The following UBA3 variants were observed in gnomAD, a reference collection of about 807,000 sequenced individuals.
UBA3 encodes the protein NEDD8-activating enzyme E1 catalytic subunit.
UBA3 carries 26 observed loss-of-function variants against 73.5 expected under a neutral mutation model. That is an observed-to-expected ratio of 0.35 (90% confidence interval 0.26 to 0.49). UBA3 has a LOEUF of 0.49. Ranked by LOEUF, UBA3 falls within the 20% of genes least tolerant of loss-of-function variation. UBA3 has a pLI of 0.98. For missense variants in UBA3, 495 were observed against 555.6 expected (o/e 0.89, Z 1.10); for synonymous variants, 217 against 191.2 (o/e 1.13, Z -1.11).
At chr3:69,065,688 C>T (rs1029302308) in intron 6 of UBA3, among the ~76,000 whole-genome samples, 7 of 152,052 alleles carry the variant, frequency 4.6e-5, no homozygotes, top group Admixed American at 3.9e-4. Context: ...GTGATCTTCC[C>T]GCCTCAGCCT....
chr3:69,065,376 C>A (rs1575837202), intron 6 of UBA3, among the ~76,000 whole-genome samples: 1 of 152,176 alleles, frequency 6.6e-6, no homozygotes. Flanking sequence ...CCAGTTACAT[C>A]TTACTATAGT....
intron 6 of UBA3, among the ~76,000 whole-genome samples, chr3:69,065,222 C>T (rs1020237328): frequency 6.6e-6 from 1 of 151,734 alleles, no homozygotes; most frequent in South Asian, 2.1e-4. Flanking sequence ...AAACTGAGTG[C>T]CCCCCACTAA....
chr3:69,076,670 A>C (rs778213919), intron 3 of UBA3, among the ~76,000 whole-genome samples: 2 of 152,002 alleles, frequency 1.3e-5, no homozygotes, highest in Admixed American at 6.6e-5. Context: ...AGGTGCAGTC[A>C]AGCAATCCTC....
intron 5 of UBA3, among the ~76,000 whole-genome samples, chr3:69,069,618 T>A (rs1296939408): frequency 2.0e-5 from 3 of 152,202 alleles, no homozygotes; most frequent in Non-Finnish European, 4.4e-5. Context: ...TGAGCCACCA[T>A]GCCAGGCCAA....
intron 14 of UBA3, 61 bp downstream of exon 14, chr3:69,056,551 A>G: frequency 7.1e-7 from 1 of 1,414,870 alleles, no homozygotes; most frequent in Non-Finnish European, 9.8e-7. Flanking sequence ...CAAATTTCTA[A>G]CCAATAATAT....
At chr3:69,057,020 A>G (rs2091979615) in intron 12 of UBA3, among the ~76,000 whole-genome samples, 1 of 152,176 alleles carries the variant, frequency 6.6e-6, no homozygotes, top group Non-Finnish European at 1.5e-5. Context: ...TTTCTTGTTT[A>G]TCAGATTAAT....
chr3:69,067,955 T>G lies in UBA3; in HGVS notation c.401A>C (p.Asp134Ala), dbSNP rs748847579. ...KAEVAAEFLN[D>A]RVPNCNVVPH... ...AACTACATTGCAATTAGGAACTCTGTCATTTAGAAATTCTGCAGCAACTTC... is the reference window on the plus strand; with the variant it reads ...AACTACATTGCAATTAGGAACTCTGGCATTTAGAAATTCTGCAGCAACTTC... The change falls in exon 6 of 18, where the codon GAC becomes GCC. Residue 134 changes from aspartate to alanine, a missense_variant. Coordinates refer to ENST00000361055, the MANE Select transcript of UBA3 (RefSeq NM_003968.4). 2 of 1,607,394 alleles carry G rather than the reference T, an allele frequency of 1.2e-6. No homozygotes were observed. Among genetic ancestry groups the G allele is most frequent in the Non-Finnish European group, 1.7e-6 (2 of 1,176,578 alleles).
chr3:69,073,833 C>T (rs541681509), intron 4 of UBA3, among the ~76,000 whole-genome samples: 7 of 152,026 alleles, frequency 4.6e-5, no homozygotes, highest in African/African-American at 9.6e-5. Flanking sequence ...TTAGTAGAGA[C>T]GGGGTTTCAC....
At chr3:69,059,306 T>C (rs2092002473) in intron 11 of UBA3, among the ~76,000 whole-genome samples, 1 of 152,168 alleles carries the variant, frequency 6.6e-6, no homozygotes, top group South Asian at 2.1e-4. Flanking sequence ...AGCCATGCAA[T>C]TACCTGAAGA....
At chr3:69,064,004 G>T in intron 7 of UBA3, 64 bp downstream of exon 7, 2 of 1,378,448 alleles carry the variant, frequency 1.5e-6, no homozygotes, top group South Asian at 1.3e-5. Flanking sequence ...AGCAATATTT[G>T]AATAGCTACC....
rs768658400 is a variant in UBA3 at position 69,062,095 on chromosome 3, T to C, written c.778A>G (p.Lys260Glu). 1 of 1,611,844 alleles carries C rather than the reference T, an allele frequency of 6.2e-7. No individual in the cohort carries two copies. Among genetic ancestry groups the C allele is most frequent in the Non-Finnish European group, 8.5e-7 (1 of 1,178,378 alleles). Residue 260 changes from lysine (K) to glutamate (E), a missense_variant, in exon 10 of 18, where the codon AAG becomes GAG. Coordinates refer to ENST00000361055, the MANE Select transcript of UBA3 (RefSeq NM_003968.4). ...IEYVRMLQWP[K>E]EQPFGEGVPL... ...TTATTACCTCCAAAAGGCTGCTCCTTAGGCCACTGCAACATCCTTACATAC... is the reference window on the plus strand; with the variant it reads ...TTATTACCTCCAAAAGGCTGCTCCTCAGGCCACTGCAACATCCTTACATAC...
Position 69,075,477 on chromosome 3 carries a change from G to A in UBA3, c.217C>T (p.Leu73=), listed in dbSNP as rs1278307475. 6.4e-7 allele frequency: 1 copy of A among 1,567,504 alleles called. No homozygotes were observed. Among genetic ancestry groups the A allele is most frequent in the East Asian group, 2.4e-5 (1 of 42,034 alleles). Residue 73 remains leucine, a synonymous_variant, in exon 4 of 18, where the codon CTA becomes TTA. Transcript: ENST00000361055. ...LQFLLDTCKV[L]VIGAGGLGCE... ...CCTAAGCCGCCAGCTCCAATGACTAGAACTTTACATGTATCTAACAAGAAC... is the reference window on the plus strand; with the variant it reads ...CCTAAGCCGCCAGCTCCAATGACTAAAACTTTACATGTATCTAACAAGAAC...
At chr3:69,056,755 C>T in intron 13 of UBA3, 24 bp downstream of exon 13, 1 of 1,611,786 alleles carries the variant, frequency 6.2e-7, no homozygotes, top group Non-Finnish European at 8.5e-7. Flanking sequence ...AATTTACATG[C>T]ATATTAAAAA....
intron 5 of UBA3, among the ~76,000 whole-genome samples, chr3:69,069,025 T>C (rs1421780151): frequency 6.6e-6 from 1 of 152,232 alleles, no homozygotes; most frequent in Non-Finnish European, 1.5e-5. Flanking sequence ...TTTCCTCCTC[T>C]AAGTTCTATA....
chr3:69,079,303 G>A (rs1439939048), intron 2 of UBA3, among the ~76,000 whole-genome samples: 1 of 152,198 alleles, frequency 6.6e-6, no homozygotes, highest in African/African-American at 2.4e-5. Context: ...ATAAAAGGCA[G>A]GAAAGAATGT....
chr3:69,074,447 A>T (rs2092147356), intron 4 of UBA3, among the ~76,000 whole-genome samples: 2 of 152,244 alleles, frequency 1.3e-5, no homozygotes, highest in African/African-American at 2.4e-5. Context: ...CACAGAACCC[A>T]GCAAGACATT....
intron 4 of UBA3, among the ~76,000 whole-genome samples, chr3:69,074,031 T>C (rs1242989497): frequency 6.6e-6 from 1 of 152,176 alleles, no homozygotes; most frequent in Non-Finnish European, 1.5e-5. Flanking sequence ...TTGAAAACCC[T>C]TAGTTTTCTT....
At position 69,077,863 on chromosome 3, in the gene UBA3, G is replaced by C; in HGVS notation, c.118C>G (p.His40Asp). The C allele has an allele frequency of 6.2e-7, 1 of 1,614,020 alleles. No homozygotes were observed. The highest frequency in any genetic ancestry group is 1.1e-5 in the South Asian group (1 of 91,074). The change falls in exon 3 of 18, where the codon CAT (histidine) becomes GAT (aspartate). Residue 40 changes from histidine (H) to aspartate (D), a missense_variant. Coordinates refer to ENST00000361055, the MANE Select transcript of UBA3 (RefSeq NM_003968.4). ...GATCGCTCGAGGAACTTCTTTACAT[G>C]GTTCCAGCGACCTTCCCAGTCTCCA... ...DTGDWEGRWNHVKKFLERSGP... is the reference protein window; with the variant it reads ...DTGDWEGRWNDVKKFLERSGP...
At chr3:69,072,696 G>T (rs1296669585) in intron 4 of UBA3, among the ~76,000 whole-genome samples, 4 of 152,184 alleles carry the variant, frequency 2.6e-5, no homozygotes, top group African/African-American at 9.7e-5. Flanking sequence ...AGACCATCTT[G>T]TAAGATATAG....
Sources: allele counts gnomAD v4.1 joint callset (sites outside exome capture counted in the v4.1 genomes callset), GRCh38; gene constraint gnomAD v4.1.1; transcripts MANE v1.5; gene names NCBI Gene and HGNC (gene_info 2026-07-23, HGNC 2026-07-21).